SDK1: variants seen among roughly 807,000 people sequenced by gnomAD.
SDK1 encodes the protein protein sidekick-1.
A neutral mutation model predicts 245.5 loss-of-function variants in SDK1; 157 were observed. That is an observed-to-expected ratio of 0.64 (90% CI 0.56 to 0.73). The LOEUF is 0.73. Ranked by LOEUF, SDK1 falls within the 30% of genes least tolerant of loss-of-function variation. The pLI is 0.00. For synonymous variants in SDK1, 1,647 were observed against 1,278.5 expected (o/e 1.29, Z -6.15); for missense variants, 3,583 against 3,002.3 (o/e 1.19, Z -4.52).
intron 1 of SDK1, among the ~76,000 whole-genome samples, chr7:3,485,948 A>G (rs1319382913): frequency 1.3e-5 from 2 of 151,622 alleles, no homozygotes; most frequent in Non-Finnish European, 2.9e-5. Context: ...CTTCATTAAA[A>G]CCATCTATGC....
intron 19 of SDK1, among the ~76,000 whole-genome samples, chr7:4,059,074 C>A (rs1024164485): frequency 6.6e-6 from 1 of 152,034 alleles, no homozygotes; most frequent in Non-Finnish European, 1.5e-5. Flanking sequence ...CTAGAATAAG[C>A]CCTGACATAT....
chr7:4,074,856 T>TTC (rs1159856321), intron 20 of SDK1, among the ~76,000 whole-genome samples: 1,755 of 72,338 alleles, frequency 0.024, 52 homozygotes, highest in East Asian at 0.035. Context: ...GAGCAAGACT[T>TTC]TCTCTCTCTC....
At chr7:3,656,887 A>G (rs1374894889) in intron 4 of SDK1, among the ~76,000 whole-genome samples, 1 of 151,990 alleles carries the variant, frequency 6.6e-6, no homozygotes, top group Non-Finnish European at 1.5e-5. Flanking sequence ...AGCTGGGACT[A>G]CAGGCGCCGG....
At position 3,675,127 on chromosome 7, in the gene SDK1, C is replaced by G. The variant is rs79875665; in HGVS notation, c.713+33022C>G. 2.9e-3 allele frequency among the ~76,000 whole-genome samples: 438 copies of G among 152,306 alleles called. 3 individuals carry two copies. Among genetic ancestry groups the G allele is most frequent in the African/African-American group, 0.01 (417 of 41,566 alleles). The stretch of plus-strand genomic sequence containing the variant: ...ACAGATATCTCCAATGTTGATCTCC[C>G]TCCATGCCCCAAACCTGCTCCACCC... On this transcript the variant is annotated intron_variant, in intron 4 of 44. Transcript: ENST00000404826.
In SDK1 at chr7:3,571,250, ATGT is replaced by A. The variant is rs370654457; in HGVS notation, c.299-47822_299-47820del. The stretch of plus-strand genomic sequence containing the variant: ...ACCAATCTATAAAATCTTGATTTTG[ATGT>A]TGTTGTTCTTACTGTAGATTATCTT... On this transcript the variant is annotated intron_variant, in intron 1 of 44. Coordinates refer to ENST00000404826, the MANE Select transcript of SDK1 (RefSeq NM_152744.4). Among the ~76,000 whole-genome samples the A allele has an allele frequency of 2.5e-3, 373 of 152,076 alleles. 4 individuals carry two copies. The highest frequency in any genetic ancestry group is 8.8e-3 in the African/African-American group (365 of 41,538).
chr7:4,167,095 G>C (rs925356714), intron 32 of SDK1, among the ~76,000 whole-genome samples: 2 of 152,124 alleles, frequency 1.3e-5, no homozygotes, highest in African/African-American at 2.4e-5. Flanking sequence ...CTCCTACCAG[G>C]TCATTTGCAT....
intron 1 of SDK1, among the ~76,000 whole-genome samples, chr7:3,566,866 G>T (rs893295859): frequency 1.3e-5 from 2 of 152,116 alleles, no homozygotes; most frequent in African/African-American, 4.8e-5. Context: ...AAGAATCGAA[G>T]CAGTAAAATG....
At position 4,265,238 on chromosome 7, in the gene SDK1, G is replaced by C; in HGVS notation, c.6496G>C (p.Ala2166Pro). Residue 2166 changes from alanine to proline, a missense_variant, in exon 45 of 45, where the codon GCG (alanine) becomes CCG (proline). Transcript: ENST00000404826. ...GCGCAGGGCCCAGGGCCGCGCACCTGCGCCGCACAGGTACGAGGCGGTGGC... is the reference window on the plus strand; with the variant it reads ...GCGCAGGGCCCAGGGCCGCGCACCTCCGCCGCACAGGTACGAGGCGGTGGC... Reference protein sequence around the residue: ...WKRRAQGRAPAPHRYEAVAGS... With the variant: ...WKRRAQGRAPPPHRYEAVAGS... The C allele has an allele frequency of 6.2e-7, 1 of 1,607,610 alleles. No homozygotes were observed. The highest frequency in any genetic ancestry group is 1.1e-5 in the South Asian group (1 of 90,906).
chr7:3,542,789 A>G (rs73303087), intron 1 of SDK1, among the ~76,000 whole-genome samples: 2,637 of 152,276 alleles, frequency 0.017, 84 homozygotes, highest in African/African-American at 0.06. Flanking sequence ...CAGAGCTCTA[A>G]AAAGGGCTTC....
At chr7:4,126,851 A>G (rs763397279) in intron 25 of SDK1, among the ~76,000 whole-genome samples, 24 of 152,232 alleles carry the variant, frequency 1.6e-4, no homozygotes, top group Admixed American at 7.2e-4. Context: ...GGGTAACGAT[A>G]CCTACTTCAT....
chr7:3,652,622 A>G (rs1783045283), intron 4 of SDK1, among the ~76,000 whole-genome samples: 1 of 152,186 alleles, frequency 6.6e-6, no homozygotes, highest in African/African-American at 2.4e-5. Flanking sequence ...AGAGAGTATT[A>G]GGTTATCATT....
chr7:3,691,642 T>A (rs202119485), intron 4 of SDK1, among the ~76,000 whole-genome samples: 3 of 5,198 alleles, frequency 5.8e-4, no homozygotes, highest in South Asian at 2.5e-3. Flanking sequence ...TGAACTGATA[T>A]TATTGATTTT....
At chr7:3,887,775 C>T (rs1184236488) in intron 5 of SDK1, among the ~76,000 whole-genome samples, 1 of 152,162 alleles carries the variant, frequency 6.6e-6, no homozygotes, top group Admixed American at 6.5e-5. Flanking sequence ...CCTGAAATAT[C>T]ATCACGGGCA....
intron 4 of SDK1, among the ~76,000 whole-genome samples, chr7:3,752,150 A>C (rs1421600929): frequency 6.6e-6 from 1 of 152,170 alleles, no homozygotes; most frequent in Non-Finnish European, 1.5e-5. Flanking sequence ...ATCTTGCACA[A>C]CCTGATAGGT....
intron 4 of SDK1, among the ~76,000 whole-genome samples, chr7:3,787,806 G>T (rs1780952854): frequency 6.6e-6 from 1 of 152,134 alleles, no homozygotes; most frequent in South Asian, 2.1e-4. Context: ...CACCTGTTCT[G>T]TAGCTTTGTG....
At chr7:4,110,321 G>A (rs938427731) in intron 22 of SDK1, among the ~76,000 whole-genome samples, 2 of 152,164 alleles carry the variant, frequency 1.3e-5, no homozygotes, top group African/African-American at 4.8e-5. Context: ...TCAAACAGGA[G>A]GAAGGATGAG....
At chr7:3,441,157 CTA>C (rs1780184191) in intron 1 of SDK1, among the ~76,000 whole-genome samples, 1 of 152,092 alleles carries the variant, frequency 6.6e-6, no homozygotes, top group South Asian at 2.1e-4. Flanking sequence ...GTTCACATAA[CTA>C]TTATTACAGT....
At chr7:4,108,832 C>T (rs945103328) in intron 22 of SDK1, among the ~76,000 whole-genome samples, 5 of 152,148 alleles carry the variant, frequency 3.3e-5, no homozygotes, top group African/African-American at 9.7e-5. Context: ...ACTTCCCATC[C>T]CCTCCTCTCC....
At chr7:3,669,306 CAG>C (rs1484505501) in intron 4 of SDK1, among the ~76,000 whole-genome samples, 2 of 152,158 alleles carry the variant, frequency 1.3e-5, no homozygotes, top group Non-Finnish European at 2.9e-5. Context: ...GATACAGAAA[CAG>C]ATTAACTACA....
Sources: allele counts gnomAD v4.1 joint callset (sites outside exome capture counted in the v4.1 genomes callset), GRCh38; gene constraint gnomAD v4.1.1; transcripts MANE v1.5; gene names NCBI Gene and HGNC (gene_info 2026-07-23, HGNC 2026-07-21).